NCOR2: variants seen among roughly 807,000 people sequenced by gnomAD.
NCOR2 encodes the protein nuclear receptor corepressor 2.
Under a neutral mutation model 262.9 loss-of-function variants are expected in NCOR2, and 81 were observed. That is an observed-to-expected ratio of 0.31 (90% CI 0.26 to 0.37). NCOR2 has a LOEUF of 0.37. NCOR2 is among the 10% of genes least tolerant of loss of function. The pLI is 1.00. For synonymous variants in NCOR2, 1,659 were observed against 1,559.3 expected (o/e 1.06, Z -1.51); for missense variants, 3,385 against 3,621.4 (o/e 0.93, Z 1.68).
intron 1 of NCOR2, among the ~76,000 whole-genome samples, chr12:124,554,681 A>C (rs1364514116): frequency 6.6e-6 from 1 of 152,232 alleles, no homozygotes; most frequent in Non-Finnish European, 1.5e-5. Flanking sequence ...CCCGATGCGC[A>C]GCACGCTTCC....
At chr12:124,497,244 G>C (rs2048426149), upstream of NCOR2, among the ~76,000 whole-genome samples, 1 of 152,214 alleles carries the variant, frequency 6.6e-6, no homozygotes, top group Non-Finnish European at 1.5e-5. The surrounding 1 kb of genome is among the most constrained non-coding windows in gnomAD (Gnocchi z 4.2). Context: ...GAATTCCGGA[G>C]CCAAGACTGA....
chr12:124,542,083 G>C (rs1195260873), intron 1 of NCOR2, among the ~76,000 whole-genome samples: 3 of 151,790 alleles, frequency 2.0e-5, no homozygotes, highest in Non-Finnish European at 2.9e-5. Context: ...TGGAGGCATC[G>C]ACCTCTTGCC....
intron 5 of NCOR2, among the ~76,000 whole-genome samples, chr12:124,461,554 C>A (rs780638931): frequency 2.4e-4 from 36 of 152,242 alleles, no homozygotes; most frequent in Non-Finnish European, 5.0e-4. Flanking sequence ...ACCAGACCCA[C>A]GTTACCAAGT....
rs777595773 is a variant in NCOR2 at position 124,372,305 on chromosome 12, C to T, written c.2524G>A (p.Glu842Lys). The change falls in exon 20 of 47, where the codon GAG (glutamate) becomes AAG (lysine). Residue 842 changes from glutamate to lysine, a missense_variant. Coordinates refer to ENST00000405201, the Ensembl canonical transcript of NCOR2. ...TCCTCAGCCGCGGGGGGCTTCTGCTCCTCCCCCTCCTCCACTGGGGGCGCT... is the reference window on the plus strand; with the variant it reads ...TCCTCAGCCGCGGGGGGCTTCTGCTTCTCCCCCTCCTCCACTGGGGGCGCT... 18 of 1,529,898 alleles carry T rather than the reference C, an allele frequency of 1.2e-5. No individual in the cohort carries two copies. In the East Asian group the frequency reaches 3.2e-4, roughly 27 times the overall value. 94.8% of individuals were successfully genotyped at this position (1,529,898 alleles called of 1,614,324 possible). A position where few individuals can be genotyped will look rare whatever the true frequency, so the allele number is the denominator to read the frequency against.
rs968813077 is a variant in NCOR2 at position 124,432,944 on chromosome 12, G to T, written c.883-2157C>A. On this transcript the variant is annotated intron_variant, in intron 8 of 46. Coordinates refer to ENST00000405201, the Ensembl canonical transcript of NCOR2. This position sits in a 1 kb window ranked among gnomAD's most constrained non-coding sequence, Gnocchi z 5.1. ...GTTACTCCACCTCTAACAGCTGGGG[G>T]TGGACAGACGGTGTGATCTGGGAGC... Among the ~76,000 whole-genome samples the T allele has an allele frequency of 3.3e-5, 5 of 152,202 alleles. No individual in the cohort carries two copies. The highest frequency in any genetic ancestry group is 9.6e-5 in the African/African-American group (4 of 41,456).
At chr12:124,411,609 G>C (rs528369609) in intron 13 of NCOR2, among the ~76,000 whole-genome samples, 1 of 152,254 alleles carries the variant, frequency 6.6e-6, no homozygotes, top group East Asian at 1.9e-4. Flanking sequence ...GCTCCCCAAC[G>C]GTCTGCAGTC....
intron 22 of NCOR2, among the ~76,000 whole-genome samples, chr12:124,361,884 A>C (rs1417788275): frequency 6.6e-6 from 1 of 152,278 alleles, no homozygotes; most frequent in Non-Finnish European, 1.5e-5. Context: ...CTGATTTGCC[A>C]CGGGGTGACT....
At position 124,510,812 on chromosome 12, in the gene NCOR2, T is replaced by A. The variant is rs940562372; in HGVS notation, c.-117-15444A>T. Among the ~76,000 whole-genome samples the A allele has an allele frequency of 2.6e-5, 4 of 152,158 alleles. No homozygotes were observed. The South Asian group carries it at 8.3e-4, about 32-fold the overall frequency. ...AGGCTGTGGGCATCTCCATGTCCAC[T>A]TGAGAGCCTGCTGCACACTGTCCAC... On this transcript the variant is annotated intron_variant, in intron 1 of 46. Transcript: ENST00000404621.
intron 34 of NCOR2, 111 bp downstream of exon 36, chr12:124,341,712 G>A (rs1384997334): frequency 8.1e-6 from 12 of 1,479,868 alleles, no homozygotes; most frequent in East Asian, 2.3e-5. Context: ...TTCACACAAG[G>A]TGACCCACAA....
chr12:124,355,301 C>T (rs914256420), intron 24 of NCOR2, 131 bp downstream of exon 26: 10 of 1,166,984 alleles, frequency 8.6e-6, no homozygotes, highest in Non-Finnish European at 1.1e-5. Flanking sequence ...CCAGCTCAGA[C>T]CCCAGATGCC....
chr12:124,389,057 T>C lies in NCOR2; in HGVS notation c.1877-3170A>G, dbSNP rs2041068020. 6.6e-6 allele frequency among the ~76,000 whole-genome samples: 1 copy of C among 152,162 alleles called. No individual in the cohort carries two copies. Among genetic ancestry groups the C allele is most frequent in the Non-Finnish European group, 1.5e-5 (1 of 68,006 alleles). On this transcript the variant is annotated intron_variant, in intron 16 of 46. Transcript: ENST00000405201. The surrounding 1 kb of genome is among the most constrained non-coding windows in gnomAD (Gnocchi z 4.4). ...GCCGCTGTGGGCGCGCGAGGTGCCC[T>C]TCCCCGAGGGTGGTGGGTGGCGGGA... is the stretch of plus-strand genomic sequence containing the variant.
rs7301451 is a variant in NCOR2, at chr12:124,394,780, G to C, written c.1876+3339C>G. On this transcript the variant is annotated intron_variant, in intron 16 of 46. Transcript: ENST00000405201. Reference sequence around the variant, plus strand: ...GGACTTCTGGCCTCCAGAACAGTGAGAGAATACATTTATTTTAAGCCACCC... The same window carrying C: ...GGACTTCTGGCCTCCAGAACAGTGACAGAATACATTTATTTTAAGCCACCC... Among the ~76,000 whole-genome samples the C allele has an allele frequency of 4.1e-3, 625 of 152,316 alleles. 3 individuals carry two copies. The highest frequency in any genetic ancestry group is 0.014 in the African/African-American group (567 of 41,568).
intron 3 of NCOR2, among the ~76,000 whole-genome samples, chr12:124,477,784 G>T (rs924117456): frequency 2.0e-5 from 3 of 152,174 alleles, no homozygotes; most frequent in Admixed American, 2.0e-4. Context: ...AAGCTGCAGG[G>T]AACAAAACAA....
At chr12:124,544,038 G>A (rs1275580829) in intron 1 of NCOR2, among the ~76,000 whole-genome samples, 1 of 152,228 alleles carries the variant, frequency 6.6e-6, no homozygotes, top group Non-Finnish European at 1.5e-5. Flanking sequence ...CCAGGACTGG[G>A]ATCCACACTC....
At chr12:124,489,239 G>A (rs950861202) in intron 1 of NCOR2, among the ~76,000 whole-genome samples, 1 of 152,054 alleles carries the variant, frequency 6.6e-6, no homozygotes, top group Non-Finnish European at 1.5e-5. Flanking sequence ...GCTCCCCAAC[G>A]CGACAACATT....
At chr12:124,375,830 G>A (rs10846662) in intron 18 of NCOR2, among the ~76,000 whole-genome samples, 8 of 152,128 alleles carry the variant, frequency 5.3e-5, no homozygotes, top group African/African-American at 1.7e-4. Context: ...TCCCAGCCCC[G>A]CGCTGGTGTA....
intron 23 of NCOR2, 117 bp downstream of exon 25, chr12:124,356,525 A>G (rs2037968092): frequency 3.2e-6 from 3 of 950,104 alleles, no homozygotes; most frequent in South Asian, 4.8e-5. Flanking sequence ...CTGTTCCTCC[A>G]GCCAGGTCCC....
intron 1 of NCOR2, among the ~76,000 whole-genome samples, chr12:124,515,672 T>C (rs528861636): frequency 7.9e-5 from 12 of 151,774 alleles, no homozygotes; most frequent in Non-Finnish European, 1.5e-4. Flanking sequence ...TGCATGTGAG[T>C]GTGAGTGTGC....
chr12:124,359,212 G>A (rs1038770300), intron 22 of NCOR2, among the ~76,000 whole-genome samples: 8 of 152,190 alleles, frequency 5.3e-5, no homozygotes, highest in East Asian at 1.9e-4. Flanking sequence ...AGAGATAACC[G>A]GCCAAGAAGT....
Sources: gnomAD v4.1 joint callset for allele counts (sites outside exome capture counted in the v4.1 genomes callset) on GRCh38, gnomAD v4.1.1 for gene constraint, Gnocchi (gnomAD v3.1) non-coding constraint, MANE v1.5 for transcripts, NCBI Gene and HGNC (gene_info 2026-07-23, HGNC 2026-07-21) for gene names.